FADS6: variants seen among roughly 807,000 people sequenced by gnomAD.
The protein encoded by FADS6 is fatty acid desaturase 6.
In FADS6, 28 loss-of-function variants were observed where a neutral mutation model predicts 31.7. The ratio of observed to expected loss-of-function variants is 0.88; its 90% CI spans 0.66 to 1.21. The LOEUF (loss-of-function observed/expected upper bound fraction) is 1.21. Ranked by LOEUF, FADS6 falls within the 50% of genes most tolerant of loss-of-function variation. The probability of loss-of-function intolerance (pLI) is 0.00; values close to 1 mark genes in which losing one functional copy is unlikely to be tolerated. For missense variants in FADS6, 494 were observed against 504.2 expected (o/e 0.98, Z 0.19); for synonymous variants, 191 against 213.1 (o/e 0.90, Z 0.90).
rs2038716658 is a variant in FADS6, at chr17:74,893,497, C to CGGATCCATGGGCTCCGTA, written c.98_99insTACGGAGCCCATGGATCC (p.Pro33_Ala34insThrGluProMetAspPro). ...CGCCCCCACGGTGCGCGCTCCGCGC[C>CGGATCCATGGGCTCCGTA]GGTTCCATGGGCTCCGTAGGTTCCA... is the stretch of plus-strand genomic sequence containing the variant. On this transcript the variant is annotated inframe_insertion, in exon 1 of 6. Transcript: ENST00000612771. The CGGATCCATGGGCTCCGTA allele has an allele frequency of 6.5e-7, 1 of 1,542,192 alleles. No homozygotes were observed. The highest frequency in any genetic ancestry group is 1.6e-5 in the African/African-American group (1 of 62,294).
At chr17:74,886,376 C>A in intron 2 of FADS6, among the ~76,000 whole-genome samples, 1 of 146,318 alleles carries the variant, frequency 6.8e-6, no homozygotes, top group Admixed American at 7.0e-5. Flanking sequence ...AAGAGAATCA[C>A]TGAAACCCAC....
In FADS6 at chr17:74,877,705, C is replaced by A; in HGVS notation, c.*626G>T. ...CCTCACTTCCCCTGGAGTTCCCTCCCGACAAAACACACTCACTTTTATCTT... is the reference window on the plus strand; with the variant it reads ...CCTCACTTCCCCTGGAGTTCCCTCCAGACAAAACACACTCACTTTTATCTT... On this transcript the variant is annotated 3_prime_UTR_variant, in exon 6 of 6. Transcript: ENST00000612771. 3.0e-6 allele frequency: 3 copies of A among 985,564 alleles called. No individual in the cohort carries two copies. The highest frequency in any genetic ancestry group is 3.6e-6 in the Non-Finnish European group (3 of 830,032). The allele number at this position is 985,564 out of a possible 1,614,324, so 61.1% of individuals were successfully genotyped here.
At chr17:74,893,037 C>T (rs1362989837) in intron 1 of FADS6, among the ~76,000 whole-genome samples, 2 of 152,062 alleles carry the variant, frequency 1.3e-5, no homozygotes, top group African/African-American at 2.4e-5. Flanking sequence ...ACACCGTCTC[C>T]CTTCCCGGGG....
chr17:74,883,625 G>A (rs2038596071), intron 2 of FADS6, among the ~76,000 whole-genome samples: 1 of 152,128 alleles, frequency 6.6e-6, no homozygotes, highest in South Asian at 2.1e-4. Context: ...TGAGTTAGTT[G>A]GAAAATGGAT....
rs1260873185 is a variant in FADS6, at chr17:74,893,504, A to G, written c.92T>C (p.Met31Thr). The G allele has an allele frequency of 2.5e-6, 4 of 1,569,462 alleles. No individual in the cohort carries two copies. The highest frequency in any genetic ancestry group is 2.4e-5 in the East Asian group (1 of 41,726). Residue 31 changes from methionine (M) to threonine (T), a missense_variant, in exon 1 of 6, where the codon ATG (methionine) becomes ACG (threonine). Physicochemically the swap from Met to Thr is moderately conservative, Grantham distance 81. Coordinates refer to ENST00000612771, the MANE Select transcript of FADS6 (RefSeq NM_178128.6). Reference sequence around the variant, plus strand: ...ACGGTGCGCGCTCCGCGCCGGTTCCATGGGCTCCGTAGGTTCCATGGGCTC... The same window carrying G: ...ACGGTGCGCGCTCCGCGCCGGTTCCGTGGGCTCCGTAGGTTCCATGGGCTC... Reference protein sequence around the residue: ...PTEPMEPTEPMEPARSAHRGG... With the variant: ...PTEPMEPTEPTEPARSAHRGG...
At chr17:74,877,180 C>G (rs2038514317), downstream of FADS6, 1 of 152,370 alleles carries the variant, frequency 6.6e-6, no homozygotes, top group Non-Finnish European at 1.5e-5. Context: ...AGTACCCCCT[C>G]CAGCCCCAGC....
Position 74,877,784 on chromosome 17 carries a change from T to C in FADS6, c.*547A>G. 10 of 985,982 alleles carry C rather than the reference T, an allele frequency of 1.0e-5. No individual in the cohort carries two copies. Among genetic ancestry groups the C allele is most frequent in the Non-Finnish European group, 1.2e-5 (10 of 830,338 alleles). The allele number at this position is 985,982 out of a possible 1,614,324, so 61.1% of individuals were successfully genotyped here. ...AGCCAGTGTCTTGCACAGGTTCCTT[T>C]GGCTGAGGATCGAGGAAGGCCTGCC... On this transcript the variant is annotated 3_prime_UTR_variant, in exon 6 of 6. Transcript: ENST00000612771.
intron 4 of FADS6, 97 bp from the exon 5 acceptor site, chr17:74,879,680 AC>A: frequency 7.6e-7 from 1 of 1,316,346 alleles, no homozygotes; most frequent in Non-Finnish European, 1.0e-6. Context: ...TTCTTGTGTC[AC>A]CCACCTCCCA....
rs1555624303 is a variant in FADS6, at chr17:74,879,047, T to TTTC, written c.960+356_960+357insGAA. 328 of 184,666 alleles carry TTTC rather than the reference T, an allele frequency of 1.8e-3. 1 individual carries two copies. The highest frequency in any genetic ancestry group is 8.0e-3 in the African/African-American group (313 of 39,002). The allele number at this position is 184,666 out of a possible 1,614,324, so 11.4% of individuals were successfully genotyped here. A position where few individuals can be genotyped will look rare whatever the true frequency, so the allele number is the denominator to read the frequency against. ...TCCCTCCCCTCACCACCTTTTTTTT[T>TTTC]TTTTTTTTTTGAGACAGGGTCTTAC... On this transcript the variant is annotated intron_variant, in intron 5 of 5. Transcript: ENST00000612771.
intron 2 of FADS6, among the ~76,000 whole-genome samples, chr17:74,890,779 C>G (rs1377477570): frequency 6.6e-6 from 1 of 152,102 alleles, no homozygotes; most frequent in Non-Finnish European, 1.5e-5. Flanking sequence ...CGGTGGAGCG[C>G]TCCAGTAGAG....
rs2038545952 is a variant in FADS6 at position 74,879,567 on chromosome 17, A to G, written c.797T>C (p.Met266Thr). 3 of 1,612,492 alleles carry G rather than the reference A, an allele frequency of 1.9e-6. No homozygotes were observed. The highest frequency in any genetic ancestry group is 1.7e-5 in the Admixed American group (1 of 59,956). ...VNIFQHIGLPMFSRDNKPRRI... is the reference protein window; with the variant it reads ...VNIFQHIGLPTFSRDNKPRRI... ...ACGGGGCTTGTTGTCCCGGGAGAAC[A>G]TGGGCAGTCCGATGTGCTGTGACAG... Residue 266 changes from methionine (M) to threonine (T), a missense_variant, in exon 5 of 6, where the codon ATG becomes ACG. Physicochemically the swap from Met to Thr is moderately conservative, Grantham distance 81. Transcript: ENST00000612771.
intron 2 of FADS6, among the ~76,000 whole-genome samples, chr17:74,888,135 C>CAT (rs2038643766): frequency 1.3e-5 from 1 of 79,660 alleles, no homozygotes; most frequent in African/African-American, 6.0e-5. Flanking sequence ...ACCACACACA[C>CAT]ACACACACAC....
At chr17:74,889,358 A>G (rs576541473) in intron 2 of FADS6, among the ~76,000 whole-genome samples, 1 of 152,258 alleles carries the variant, frequency 6.6e-6, no homozygotes, top group Non-Finnish European at 1.5e-5. Flanking sequence ...GAAGGATCCT[A>G]AGAGAGAAGG....
Position 74,892,474 on chromosome 17 carries a change from T to C in FADS6, c.411+49A>G, listed in dbSNP as rs2038699050. ...GCATGCTCGAACAGAAGAATGAGGCTGCCACACGGTCCCAGCAGCTGCCTG... is the reference window on the plus strand; with the variant it reads ...GCATGCTCGAACAGAAGAATGAGGCCGCCACACGGTCCCAGCAGCTGCCTG... On this transcript the variant is annotated intron_variant, in intron 2 of 5. Coordinates refer to ENST00000612771, the MANE Select transcript of FADS6 (RefSeq NM_178128.6). 12 of 1,573,178 alleles carry C rather than the reference T, an allele frequency of 7.6e-6. No individual in the cohort carries two copies. In the South Asian group the frequency reaches 1.3e-4, roughly 17 times the overall value.
chr17:74,888,147 C>A (rs1197130163), intron 2 of FADS6, among the ~76,000 whole-genome samples: 7 of 93,974 alleles, frequency 7.4e-5, no homozygotes, highest in Admixed American at 5.4e-4. Context: ...CACACACACA[C>A]ACACACACGC....
intron 2 of FADS6, 113 bp downstream of exon 2, chr17:74,892,410 G>A (rs1328092657): frequency 6.9e-6 from 9 of 1,295,624 alleles, no homozygotes; most frequent in African/African-American, 3.1e-5. Flanking sequence ...CAGCTGCAGC[G>A]GCCTGCCCCC....
chr17:74,880,282 C>CT lies in FADS6; in HGVS notation c.781-700dup, dbSNP rs568988388. 2.0e-5 allele frequency among the ~76,000 whole-genome samples: 3 copies of CT among 152,224 alleles called. No homozygotes were observed. The East Asian group carries it at 5.8e-4, about 29-fold the overall frequency. Reference sequence around the variant, plus strand: ...GGCAGGCACTAGGGGCCTTTATCTCCTACTGCTTGGCATCCGCGCATGGAG... The same window carrying CT: ...GGCAGGCACTAGGGGCCTTTATCTCCTTACTGCTTGGCATCCGCGCATGGAG... On this transcript the variant is annotated intron_variant, in intron 4 of 5. Transcript: ENST00000612771.
intron 2 of FADS6, among the ~76,000 whole-genome samples, chr17:74,891,852 C>G (rs905995897): frequency 7.9e-5 from 12 of 152,166 alleles, no homozygotes; most frequent in African/African-American, 2.4e-4. Flanking sequence ...TGTGGCCATT[C>G]ATTTATTTAG....
At chr17:74,881,732 G>GAAAAAAAAA (rs35456871) in intron 3 of FADS6, among the ~76,000 whole-genome samples, 1 of 112,230 alleles carries the variant, frequency 8.9e-6, no homozygotes. Flanking sequence ...GCAAGACTCT[G>GAAAAAAAAA]AAAAAAAAAA....
Sources: gnomAD v4.1 joint callset for allele counts (sites outside exome capture counted in the v4.1 genomes callset) on GRCh38, gnomAD v4.1.1 for gene constraint, MANE v1.5 for transcripts, NCBI Gene and HGNC (gene_info 2026-07-23, HGNC 2026-07-21) for gene names.